The following RAB27A variants were observed in gnomAD, a reference collection of about 807,000 sequenced individuals.
RAB27A encodes the protein RAB27A, member RAS oncogene family, also known as ras-related protein Rab-27A.
A neutral mutation model predicts 20.8 loss-of-function variants in RAB27A; 17 were observed. The observed-to-expected ratio is 0.82, with a 90% CI of 0.56 to 1.23. RAB27A has a LOEUF of 1.23. Among genes scored for constraint, RAB27A ranks in the 50% most tolerant of loss-of-function variants. The pLI, the probability that RAB27A is intolerant of heterozygous loss-of-function variation, is 0.00. For synonymous variants in RAB27A, 85 were observed against 92.8 expected (o/e 0.92, Z 0.48); for missense variants, 277 against 266.7 (o/e 1.04, Z -0.27).
At chr15:55,263,012 C>T (rs1897331798) in intron 2 of RAB27A, among the ~76,000 whole-genome samples, 1 of 152,168 alleles carries the variant, frequency 6.6e-6, no homozygotes, top group African/African-American at 2.4e-5. Flanking sequence ...CATTTTGTTT[C>T]AGCATGTATC....
At chr15:55,245,501 C>T (rs185601559) in intron 2 of RAB27A, among the ~76,000 whole-genome samples, 1 of 152,142 alleles carries the variant, frequency 6.6e-6, no homozygotes, top group African/African-American at 2.4e-5. Flanking sequence ...TAGATAACTG[C>T]ATTTTATATT....
At chr15:55,210,408 T>G (rs1894963770) in intron 6 of RAB27A, among the ~76,000 whole-genome samples, 1 of 132,274 alleles carries the variant, frequency 7.6e-6, no homozygotes, top group Non-Finnish European at 1.6e-5. Context: ...TGTATTTAGG[T>G]GTGGTTTTTT....
intron 4 of RAB27A, 119 bp downstream of exon 4, chr15:55,230,282 C>T (rs1346191221): frequency 5.5e-6 from 5 of 912,038 alleles, no homozygotes; most frequent in Non-Finnish European, 7.2e-6. Context: ...GCTAATTTGG[C>T]AGCATTCAAG....
At chr15:55,300,677 C>A (rs1248784595) in intron 2 of RAB27A, among the ~76,000 whole-genome samples, 1 of 111,778 alleles carries the variant, frequency 8.9e-6, no homozygotes, top group Non-Finnish European at 1.6e-5. Flanking sequence ...GAAACTCTGT[C>A]TCCAAAAAAA....
intron 2 of RAB27A, among the ~76,000 whole-genome samples, chr15:55,264,646 C>T (rs1424118818): frequency 2.0e-5 from 3 of 152,254 alleles, no homozygotes; most frequent in South Asian, 2.1e-4. Context: ...GAATAGCATA[C>T]ATATACCTCT....
intron 2 of RAB27A, among the ~76,000 whole-genome samples, chr15:55,268,542 T>C (rs756701447): frequency 2.0e-5 from 3 of 152,170 alleles, no homozygotes; most frequent in Admixed American, 2.0e-4. Flanking sequence ...AGGACCCTGA[T>C]TGTGCTCCCA....
chr15:55,229,142 C>T (rs1391339716), intron 4 of RAB27A, among the ~76,000 whole-genome samples: 2 of 152,120 alleles, frequency 1.3e-5, no homozygotes, highest in Non-Finnish European at 2.9e-5. Flanking sequence ...TTGACTCAGA[C>T]CTTATTCTGT....
chr15:55,221,498 C>G (rs1317235009), intron 6 of RAB27A, among the ~76,000 whole-genome samples: 1 of 152,060 alleles, frequency 6.6e-6, no homozygotes. Flanking sequence ...TCAGACTGGC[C>G]GGTAAGACTC....
intron 2 of RAB27A, among the ~76,000 whole-genome samples, chr15:55,262,498 C>T (rs772857756): frequency 8.0e-5 from 12 of 149,856 alleles, no homozygotes; most frequent in Admixed American, 3.3e-4. Flanking sequence ...GCCGAGATCA[C>T]GCCACTGCAC....
intron 1 of RAB27A, among the ~76,000 whole-genome samples, chr15:55,278,230 A>G (rs1219911341): frequency 6.6e-6 from 1 of 152,206 alleles, no homozygotes; most frequent in African/African-American, 2.4e-5. Flanking sequence ...AAGAAATTTA[A>G]TAGTTCAACA....
chr15:55,261,004 G>C (rs140654233), intron 2 of RAB27A, among the ~76,000 whole-genome samples: 3 of 151,820 alleles, frequency 2.0e-5, no homozygotes, highest in South Asian at 2.1e-4. Flanking sequence ...TGTTGATAGT[G>C]GGGGAGGCTA....
intron 2 of RAB27A, among the ~76,000 whole-genome samples, chr15:55,309,895 T>A (rs1404125046): frequency 6.6e-6 from 1 of 151,978 alleles, no homozygotes; most frequent in Non-Finnish European, 1.5e-5. Context: ...TTTTTTGGAG[T>A]CCTTGTTGGG....
chr15:55,243,527 G>A (rs1896572890), intron 2 of RAB27A, among the ~76,000 whole-genome samples: 2 of 151,502 alleles, frequency 1.3e-5, no homozygotes, highest in African/African-American at 4.9e-5. Flanking sequence ...ATGGTGGCAG[G>A]CACCTGTAAT....
chr15:55,239,535 G>T (rs1896398215), intron 2 of RAB27A, among the ~76,000 whole-genome samples: 1 of 152,122 alleles, frequency 6.6e-6, no homozygotes, highest in African/African-American at 2.4e-5. Flanking sequence ...AGGATTGGGA[G>T]AAAGGAGCAC....
At chr15:55,237,613 G>C (rs143540203) in intron 2 of RAB27A, among the ~76,000 whole-genome samples, 2 of 152,048 alleles carry the variant, frequency 1.3e-5, no homozygotes, top group Non-Finnish European at 2.9e-5. Context: ...ATTATAGCAC[G>C]TCATATCACA....
At chr15:55,272,541 A>G (rs1175473939) in intron 1 of RAB27A, among the ~76,000 whole-genome samples, 1 of 152,250 alleles carries the variant, frequency 6.6e-6, no homozygotes, top group Non-Finnish European at 1.5e-5. Context: ...AAATTATGAC[A>G]ATACCAATTT....
intron 1 of RAB27A, among the ~76,000 whole-genome samples, chr15:55,287,300 G>A (rs1898182863): frequency 6.6e-6 from 1 of 152,174 alleles, no homozygotes; most frequent in African/African-American, 2.4e-5. Context: ...CTGGAAGAGT[G>A]AAGTTGCCAT....
At chr15:55,267,891 C>A (rs568769095) in intron 2 of RAB27A, among the ~76,000 whole-genome samples, 1 of 152,252 alleles carries the variant, frequency 6.6e-6, no homozygotes, top group African/African-American at 2.4e-5. Context: ...AAGATTTCAC[C>A]AGACCGTTCC....
At chr15:55,294,313 C>T (rs987239587), upstream of RAB27A, among the ~76,000 whole-genome samples, 2 of 152,060 alleles carry the variant, frequency 1.3e-5, no homozygotes, top group Admixed American at 6.6e-5. Context: ...TGAGGCCTGG[C>T]GCGGTAGCTC....
Sources: allele counts gnomAD v4.1 joint callset (sites outside exome capture counted in the v4.1 genomes callset), GRCh38; gene constraint gnomAD v4.1.1; transcripts MANE v1.5; gene names NCBI Gene and HGNC (gene_info 2026-07-23, HGNC 2026-07-21).